Variants in UBE2H observed in about 807,000 individuals in gnomAD.
The protein encoded by UBE2H is ubiquitin conjugating enzyme E2 H.
Under a neutral mutation model 29.0 loss-of-function variants are expected in UBE2H, and 3 were observed. That is an observed-to-expected ratio of 0.10 (90% confidence interval 0.05 to 0.27). UBE2H has a LOEUF of 0.27. UBE2H is among the 10% of genes least tolerant of loss of function. The pLI, the probability that UBE2H is intolerant of heterozygous loss-of-function variation, is 1.00. For synonymous variants in UBE2H, 69 were observed against 82.9 expected (o/e 0.83, Z 0.91); for missense variants, 68 against 228.2 (o/e 0.30, Z 4.52).
At chr7:129,931,423 G>A (rs62491535) in intron 1 of UBE2H, among the ~76,000 whole-genome samples, 9,891 of 151,756 alleles carry the variant, frequency 0.065, 537 homozygotes, top group East Asian at 0.25. Context: ...ACCTCAAAGA[G>A]CTTTTCTATG....
At chr7:129,866,874 A>G (rs557266397) in intron 3 of UBE2H, among the ~76,000 whole-genome samples, 7 of 152,324 alleles carry the variant, frequency 4.6e-5, no homozygotes, top group Non-Finnish European at 7.3e-5. Context: ...GTATCTACAC[A>G]TCATTAATCG....
intron 3 of UBE2H, among the ~76,000 whole-genome samples, chr7:129,872,579 C>A (rs866570373): frequency 2.4e-4 from 37 of 152,030 alleles, no homozygotes; most frequent in Non-Finnish European, 4.4e-4. Context: ...CGGTGGCTCA[C>A]GCCTGTAATC....
chr7:129,868,746 G>A (rs1469376966), intron 3 of UBE2H, among the ~76,000 whole-genome samples: 4 of 152,066 alleles, frequency 2.6e-5, no homozygotes, highest in African/African-American at 9.7e-5. Context: ...CAAGATGAAG[G>A]TAAATGAATT....
At chr7:129,836,611 G>A (rs995653988) in intron 6 of UBE2H, among the ~76,000 whole-genome samples, 2 of 152,144 alleles carry the variant, frequency 1.3e-5, no homozygotes, top group Non-Finnish European at 1.5e-5. Context: ...CAGGTGCAGC[G>A]GCTCATGCCT....
intron 1 of UBE2H, among the ~76,000 whole-genome samples, chr7:129,885,118 G>C (rs2116383500): frequency 6.6e-6 from 1 of 151,736 alleles, no homozygotes; most frequent in African/African-American, 2.4e-5. Flanking sequence ...CTAATAGTGT[G>C]TACTGGTGTC....
chr7:129,868,358 A>C (rs1473551593), intron 3 of UBE2H, among the ~76,000 whole-genome samples: 3 of 152,030 alleles, frequency 2.0e-5, no homozygotes, highest in Admixed American at 2.0e-4. Context: ...AGGCGGGTGG[A>C]TCATGAGGTC....
chr7:129,865,500 C>T (rs1184105535), intron 3 of UBE2H, among the ~76,000 whole-genome samples: 1 of 152,154 alleles, frequency 6.6e-6, no homozygotes, highest in African/African-American at 2.4e-5. Context: ...TCAGAATTAT[C>T]TTGACAAAAG....
intron 3 of UBE2H, among the ~76,000 whole-genome samples, chr7:129,872,426 T>C (rs1806057416): frequency 6.6e-6 from 1 of 152,086 alleles, no homozygotes; most frequent in South Asian, 2.1e-4. Flanking sequence ...ACTCCAAAAA[T>C]AGTGTGAGGT....
At chr7:129,847,419 G>A (rs1489576564) in intron 5 of UBE2H, among the ~76,000 whole-genome samples, 1 of 152,160 alleles carries the variant, frequency 6.6e-6, no homozygotes, top group African/African-American at 2.4e-5. Context: ...AGGCTAAGGA[G>A]GGAGGATCAC....
chr7:129,937,516 A>T (rs1388842454), intron 1 of UBE2H, among the ~76,000 whole-genome samples: 1 of 152,202 alleles, frequency 6.6e-6, no homozygotes, highest in Non-Finnish European at 1.5e-5. Context: ...ACTGGTTACT[A>T]ACTACTTTAA....
chr7:129,837,024 C>T (rs192691553), intron 6 of UBE2H, among the ~76,000 whole-genome samples: 1 of 152,118 alleles, frequency 6.6e-6, no homozygotes, highest in East Asian at 1.9e-4. Flanking sequence ...TTAGACAGCT[C>T]CAATGGTGCC....
chr7:129,879,298 A>G (rs1331139560), intron 3 of UBE2H, among the ~76,000 whole-genome samples: 7 of 152,252 alleles, frequency 4.6e-5, no homozygotes, highest in African/African-American at 1.7e-4. Flanking sequence ...AGCTTAAAGA[A>G]CAGTGGGGCC....
At chr7:129,912,616 A>C (rs1584781972) in intron 1 of UBE2H, among the ~76,000 whole-genome samples, 1 of 152,344 alleles carries the variant, frequency 6.6e-6, no homozygotes, top group Middle Eastern at 3.4e-3. Flanking sequence ...TTAAGTATTT[A>C]TGTGTGGAAT....
rs764757730 is a variant in UBE2H at position 129,834,961 on chromosome 7, A to G, written c.528T>C (p.Asp176=). Reference sequence around the variant, plus strand: ...ACTACAACTCCATATCCTGGGCCTCATCTTCGGAAAAGTCAGACATAGAGC... The same window carrying G: ...ACTACAACTCCATATCCTGGGCCTCGTCTTCGGAAAAGTCAGACATAGAGC... The part of the protein sequence containing the change: ...SESSMSDFSE[D]EAQDMEL The change falls in exon 7 of 7, where the codon GAT becomes GAC. Residue 176 remains aspartate, a synonymous_variant. Transcript: ENST00000355621. The G allele has an allele frequency of 1.9e-6, 3 of 1,613,594 alleles. No homozygotes were observed. The highest frequency in any genetic ancestry group is 2.5e-6 in the Non-Finnish European group (3 of 1,180,012).
chr7:129,878,741 A>G (rs188184502), intron 3 of UBE2H, among the ~76,000 whole-genome samples: 10 of 150,780 alleles, frequency 6.6e-5, no homozygotes, highest in Admixed American at 6.6e-4. Flanking sequence ...AACTCTGGCA[A>G]TTCTGAACAT....
intron 1 of UBE2H, among the ~76,000 whole-genome samples, chr7:129,901,612 C>T (rs1290321226): frequency 6.6e-6 from 1 of 151,980 alleles, no homozygotes; most frequent in African/African-American, 2.4e-5. Flanking sequence ...GATGATGACA[C>T]TTTCTTTTTT....
chr7:129,896,405 T>C (rs762465709), intron 1 of UBE2H, among the ~76,000 whole-genome samples: 5 of 152,104 alleles, frequency 3.3e-5, no homozygotes, highest in Non-Finnish European at 7.4e-5. Context: ...ATTTATTTAT[T>C]TACTGATTGA....
At chr7:129,936,390 C>T (rs1477720435) in intron 1 of UBE2H, among the ~76,000 whole-genome samples, 2 of 151,902 alleles carry the variant, frequency 1.3e-5, no homozygotes, top group African/African-American at 4.8e-5. Context: ...GTCAGGAGAT[C>T]GAGACCATCC....
At chr7:129,906,975 C>A (rs914129978) in intron 1 of UBE2H, among the ~76,000 whole-genome samples, 2 of 152,188 alleles carry the variant, frequency 1.3e-5, no homozygotes, top group African/African-American at 4.8e-5. Flanking sequence ...GACATTACTA[C>A]ACATCTATGC....
Sources: allele counts gnomAD v4.1 joint callset (sites outside exome capture counted in the v4.1 genomes callset), GRCh38; gene constraint gnomAD v4.1.1; transcripts MANE v1.5; gene names NCBI Gene and HGNC (gene_info 2026-07-23, HGNC 2026-07-21).